RAB8B: variants seen among roughly 807,000 people sequenced by gnomAD.
RAB8B encodes the protein ras-related protein Rab-8B.
RAB8B carries 11 observed loss-of-function variants against 32.0 expected under a neutral mutation model. The ratio of observed to expected loss-of-function variants is 0.34; its 90% confidence interval spans 0.22 to 0.57. The LOEUF (loss-of-function observed/expected upper bound fraction) is 0.57. Among genes scored for constraint, RAB8B ranks in the 20% least tolerant of loss-of-function variants. The pLI, the probability that RAB8B is intolerant of heterozygous loss-of-function variation, is 0.86. For missense variants in RAB8B, 190 were observed against 258.5 expected (o/e 0.73, Z 1.82); for synonymous variants, 103 against 89.6 (o/e 1.15, Z -0.85).
At chr15:63,255,428 G>T in intron 3 of RAB8B, 79 bp from the exon 4 acceptor site, 2 of 932,882 alleles carry the variant, frequency 2.1e-6, no homozygotes, top group Non-Finnish European at 1.6e-6. Context: ...GGTTTCTGGA[G>T]GGTAGGAGTA....
intron 1 of RAB8B, among the ~76,000 whole-genome samples, chr15:63,207,714 C>G (rs781508020): frequency 4.6e-5 from 7 of 152,030 alleles, no homozygotes; most frequent in Non-Finnish European, 1.0e-4. Context: ...TGCGTGCCAC[C>G]ACACCCGGCA....
intron 3 of RAB8B, 102 bp downstream of exon 3, chr15:63,249,807 A>G: frequency 8.7e-6 from 11 of 1,261,724 alleles, no homozygotes; most frequent in Non-Finnish European, 1.2e-5. Context: ...GTATGTAGAA[A>G]AATAAATTTT....
chr15:63,251,268 T>C (rs1457464535), intron 3 of RAB8B: 11 of 455,970 alleles, frequency 2.4e-5, no homozygotes, highest in Admixed American at 2.4e-4. Flanking sequence ...GTTTGTTGTT[T>C]GTTTGTTTCC....
intron 1 of RAB8B, among the ~76,000 whole-genome samples, chr15:63,208,724 GC>G (rs2037720568): frequency 1.3e-5 from 2 of 151,738 alleles, no homozygotes; most frequent in African/African-American, 4.8e-5. Context: ...TCTTTATGAG[GC>G]CATGTCAGAA....
At chr15:63,203,992 G>C (rs1179240493) in intron 1 of RAB8B, among the ~76,000 whole-genome samples, 1 of 152,112 alleles carries the variant, frequency 6.6e-6, no homozygotes, top group Non-Finnish European at 1.5e-5. Context: ...TCTCTGCAGA[G>C]GGTTGTCGGG....
intron 1 of RAB8B, among the ~76,000 whole-genome samples, chr15:63,236,165 T>C (rs1369087233): frequency 6.6e-6 from 1 of 152,212 alleles, no homozygotes; most frequent in Non-Finnish European, 1.5e-5. Flanking sequence ...TGATTCTCTT[T>C]CATACTTATT....
chr15:63,207,035 C>T (rs938511318), intron 1 of RAB8B, among the ~76,000 whole-genome samples: 2 of 152,228 alleles, frequency 1.3e-5, no homozygotes, highest in African/African-American at 4.8e-5. Context: ...ACTTCCTACT[C>T]TTCTAACCGC....
At position 63,249,717 on chromosome 15, in the gene RAB8B, G is replaced by A. The variant is rs1315071893; in HGVS notation, c.246+12G>A. The A allele has an allele frequency of 1.9e-6, 3 of 1,611,404 alleles. No individual in the cohort carries two copies. On this transcript the variant is annotated intron_variant, in intron 3 of 7. Transcript: ENST00000321437. ...ACAGAGGAGCCATGGTGAGTGTGTT[G>A]TAGGGTTTTGTAACTCTTCAGGTAG...
chr15:63,194,052 T>C (rs2037581079), intron 1 of RAB8B, among the ~76,000 whole-genome samples: 1 of 152,312 alleles, frequency 6.6e-6, no homozygotes, highest in Middle Eastern at 3.4e-3. Flanking sequence ...CAATCAGAGC[T>C]TCTTCCCTTT....
intron 1 of RAB8B, among the ~76,000 whole-genome samples, chr15:63,190,101 T>C (rs1037665721): frequency 1.4e-5 from 2 of 144,592 alleles, no homozygotes; most frequent in African/African-American, 2.6e-5. Flanking sequence ...GGAAATCTCA[T>C]GTAGAGAGAA....
At chr15:63,231,853 C>A (rs962852600) in intron 1 of RAB8B, among the ~76,000 whole-genome samples, 1 of 152,202 alleles carries the variant, frequency 6.6e-6, no homozygotes, top group Non-Finnish European at 1.5e-5. Context: ...ATTGAAGGTA[C>A]AACATCTGTT....
At chr15:63,258,473 G>T (rs917278934) in intron 5 of RAB8B, among the ~76,000 whole-genome samples, 1 of 152,220 alleles carries the variant, frequency 6.6e-6, no homozygotes, top group African/African-American at 2.4e-5. Flanking sequence ...TGAATCCCAA[G>T]ATAATGGTAG....
intron 1 of RAB8B, among the ~76,000 whole-genome samples, chr15:63,193,702 T>G (rs2037577342): frequency 6.6e-6 from 1 of 152,004 alleles, no homozygotes; most frequent in Admixed American, 6.6e-5. Flanking sequence ...TCCCAGCTAC[T>G]TGGGAGGCTG....
chr15:63,233,012 A>C (rs1279364447), intron 1 of RAB8B, among the ~76,000 whole-genome samples: 1 of 151,462 alleles, frequency 6.6e-6, no homozygotes, highest in Non-Finnish European at 1.5e-5. Context: ...TATTTATGAA[A>C]GAACAATGCC....
intron 1 of RAB8B, among the ~76,000 whole-genome samples, chr15:63,226,200 G>T (rs1262347791): frequency 1.3e-5 from 2 of 152,110 alleles, no homozygotes; most frequent in Non-Finnish European, 2.9e-5. Context: ...TCTGATTTTC[G>T]CTAAATTTGC....
At chr15:63,202,087 A>G (rs2037656236) in intron 1 of RAB8B, among the ~76,000 whole-genome samples, 1 of 57,200 alleles carries the variant, frequency 1.7e-5, no homozygotes, top group Non-Finnish European at 3.3e-5. Context: ...CCCCGTCTCT[A>G]CTAAAAAAAA....
chr15:63,260,947 A>G (rs2038198772), intron 6 of RAB8B, among the ~76,000 whole-genome samples: 1 of 152,206 alleles, frequency 6.6e-6, no homozygotes, highest in East Asian at 1.9e-4. Context: ...TTTGTTTTAA[A>G]TAACGTAACA....
chr15:63,213,276 G>A (rs2037762339), intron 1 of RAB8B, among the ~76,000 whole-genome samples: 1 of 152,092 alleles, frequency 6.6e-6, no homozygotes, highest in Non-Finnish European at 1.5e-5. Flanking sequence ...TGTCTTCTAG[G>A]TACTATTTCA....
At chr15:63,233,893 A>AT (rs1436041596) in intron 1 of RAB8B, among the ~76,000 whole-genome samples, 6 of 152,182 alleles carry the variant, frequency 3.9e-5, no homozygotes, top group Non-Finnish European at 8.8e-5. Context: ...TTGTAGAAAA[A>AT]TGTGCAGTGC....
Sources: gnomAD v4.1 joint callset for allele counts (sites outside exome capture counted in the v4.1 genomes callset) on GRCh38, gnomAD v4.1.1 for gene constraint, MANE v1.5 for transcripts, NCBI Gene and HGNC (gene_info 2026-07-23, HGNC 2026-07-21) for gene names.